PLXNB1: variants seen among roughly 807,000 people sequenced by gnomAD.
PLXNB1 encodes the protein plexin-B1.
Under a neutral mutation model 209.4 loss-of-function variants are expected in PLXNB1, and 106 were observed. That is an observed-to-expected ratio of 0.51 (90% CI 0.43 to 0.59). PLXNB1 has a LOEUF of 0.59. Among genes scored for constraint, PLXNB1 ranks in the 20% least tolerant of loss-of-function variants. PLXNB1 has a pLI of 0.00. For missense variants in PLXNB1, 2,357 were observed against 2,853.2 expected (o/e 0.83, Z 3.96); for synonymous variants, 1,167 against 1,183.2 (o/e 0.99, Z 0.28).
chr3:48,406,043 CT>C lies in PLXNB1; in HGVS notation c.6229-246del. On this transcript the variant is annotated intron_variant, in intron 36 of 37. Transcript: ENST00000296440. This position sits in a 1 kb window ranked among gnomAD's most constrained non-coding sequence, Gnocchi z 4.4. ...TGGTAGGAAGACAGCCCAGGTCTACCTGCTTCAGCAAGGTCTGGGGTTTCCA... is the reference window on the plus strand; with the variant it reads ...TGGTAGGAAGACAGCCCAGGTCTACCGCTTCAGCAAGGTCTGGGGTTTCCA... 2.2e-6 allele frequency: 1 copy of C among 446,614 alleles called. No homozygotes were observed. The allele number at this position is 446,614 out of a possible 1,614,324, so 27.7% of individuals were successfully genotyped here.
chr3:48,427,387 G>A (rs2038949827), intron 1 of PLXNB1, among the ~76,000 whole-genome samples: 1 of 152,144 alleles, frequency 6.6e-6, no homozygotes, highest in Non-Finnish European at 1.5e-5. Flanking sequence ...GTCGGAAGGA[G>A]GACAGAAAGA....
In PLXNB1 at chr3:48,421,090, C is replaced by T; in HGVS notation, c.1811-134G>A. The T allele has an allele frequency of 2.3e-6, 3 of 1,278,092 alleles. No individual in the cohort carries two copies. The South Asian group carries it at 4.0e-5, about 17-fold the overall frequency. 79.2% of individuals were successfully genotyped at this position (1,278,092 alleles called of 1,614,324 possible). ...ACAGTCCAAGGGCACAGAATGGAGG[C>T]TTCAGGTGGTTGGGGAGTGGGAGGA... On this transcript the variant is annotated intron_variant, in intron 8 of 37. Transcript: ENST00000296440.
intron 37 of PLXNB1, among the ~76,000 whole-genome samples, chr3:48,404,950 C>A (rs994042540): frequency 5.3e-5 from 8 of 152,186 alleles, no homozygotes; most frequent in Non-Finnish European, 8.8e-5. Context: ...AATGACCAGA[C>A]ACGTGGTGGG....
At position 48,424,273 on chromosome 3, in the gene PLXNB1, G is replaced by A. The variant is rs369325625; in HGVS notation, c.339C>T (p.Ser113=). Residue 113 remains serine, a synonymous_variant, in exon 3 of 38, where the codon AGC becomes AGT. Transcript: ENST00000296440. ...VSPGALVVCG[S]VHQGVCEQRR... ...GCTGTTCACAGACCCCCTGGTGCAC[G>A]CTCCCGCATACCACCAGGGCCCCTG... The A allele has an allele frequency of 5.8e-5, 93 of 1,591,274 alleles. 2 individuals are homozygous for A. The East Asian group carries it at 1.8e-3, about 30-fold the overall frequency.
At position 48,418,077 on chromosome 3, in the gene PLXNB1, G is replaced by A; in HGVS notation, c.3223-15C>T. 6.2e-7 allele frequency: 1 copy of A among 1,611,242 alleles called. No homozygotes were observed. The highest frequency in any genetic ancestry group is 8.5e-7 in the Non-Finnish European group (1 of 1,178,580). On this transcript the variant is annotated splice_polypyrimidine_tract_variant and intron_variant, in intron 15 of 37. Coordinates refer to ENST00000296440, the MANE Select transcript of PLXNB1 (RefSeq NM_001130082.3). The surrounding 1 kb of genome is among the most constrained non-coding windows in gnomAD (Gnocchi z 6.6). ...AGTGGCTCCACCTGTTCCAGGACAA[G>A]GACTGCTCACCTCTACTCAACTGGA...
At position 48,418,130 on chromosome 3, in the gene PLXNB1, G is replaced by A; in HGVS notation, c.3222+61C>T. 6.2e-7 allele frequency: 1 copy of A among 1,607,198 alleles called. No homozygotes were observed. Among genetic ancestry groups the A allele is most frequent in the East Asian group, 2.2e-5 (1 of 44,754 alleles). ...GGCAGCCCCAACCTCCCACCTTTGG[G>A]CCCCCACACCCTCCCTCTAAGGGCA... is the stretch of plus-strand genomic sequence containing the variant. On this transcript the variant is annotated intron_variant, in intron 15 of 37. Coordinates refer to ENST00000296440, the MANE Select transcript of PLXNB1 (RefSeq NM_001130082.3). This position sits in a 1 kb window ranked among gnomAD's most constrained non-coding sequence, Gnocchi z 6.6.
chr3:48,423,801 C>G lies in PLXNB1; in HGVS notation c.811G>C (p.Gly271Arg). Residue 271 changes from glycine to arginine, a missense_variant, in exon 3 of 38, where the codon GGC becomes CGC. Around this residue, in one of 7 missense-constraint regions of PLXNB1, gnomAD observed 404 missense variants for 443.6 expected, o/e 0.91. Coordinates refer to ENST00000296440, the MANE Select transcript of PLXNB1 (RefSeq NM_001130082.3). ...YVELPLACEG[G>R]RYGLIQAAAV... Reference sequence around the variant, plus strand: ...GCAGCCTGGATCAGCCCGTAGCGGCCACCTTCGCAGGCCAGAGGCAACTCC... The same window carrying G: ...GCAGCCTGGATCAGCCCGTAGCGGCGACCTTCGCAGGCCAGAGGCAACTCC... 1 of 1,613,978 alleles carries G rather than the reference C, an allele frequency of 6.2e-7. No homozygotes were observed. The highest frequency in any genetic ancestry group is 8.5e-7 in the Non-Finnish European group (1 of 1,179,998).
chr3:48,414,693 C>T, intron 21 of PLXNB1, 106 bp downstream of exon 21: 1 of 1,380,496 alleles, frequency 7.2e-7, no homozygotes, highest in Non-Finnish European at 9.9e-7. Context: ...CCATGTCCAT[C>T]CACCGGCCCT....
Position 48,418,554 on chromosome 3 carries a change from G to C in PLXNB1, c.2956-12C>G, listed in dbSNP as rs899863434. On this transcript the variant is annotated splice_polypyrimidine_tract_variant and intron_variant, in intron 13 of 37. Coordinates refer to ENST00000296440, the MANE Select transcript of PLXNB1 (RefSeq NM_001130082.3). This position sits in a 1 kb window ranked among gnomAD's most constrained non-coding sequence, Gnocchi z 6.6. Reference sequence around the variant, plus strand: ...GCCTCATAGCTGAGCTGGAGAAATGGGAGTGGGTTCAGAGTCAAGCACTGG... The same window carrying C: ...GCCTCATAGCTGAGCTGGAGAAATGCGAGTGGGTTCAGAGTCAAGCACTGG... 1 of 1,580,666 alleles carries C rather than the reference G, an allele frequency of 6.3e-7. No individual in the cohort carries two copies. Among genetic ancestry groups the C allele is most frequent in the Admixed American group, 1.8e-5 (1 of 54,670 alleles).
Position 48,410,421 on chromosome 3 carries a change from C to T in PLXNB1, c.5520+34G>A. Reference sequence around the variant, plus strand: ...GGTGATCCCTCCACCAGTCCCACCCCACCATGCCCTCCTCCAGCTCCCACT... The same window carrying T: ...GGTGATCCCTCCACCAGTCCCACCCTACCATGCCCTCCTCCAGCTCCCACT... On this transcript the variant is annotated intron_variant, in intron 30 of 37. Transcript: ENST00000296440. This position sits in a 1 kb window ranked among gnomAD's most constrained non-coding sequence, Gnocchi z 6.4. The T allele has an allele frequency of 6.2e-7, 1 of 1,611,808 alleles. No homozygotes were observed. The highest frequency in any genetic ancestry group is 8.5e-7 in the Non-Finnish European group (1 of 1,177,932).
At chr3:48,407,756 G>A (rs538106661) in intron 34 of PLXNB1, among the ~76,000 whole-genome samples, 1 of 152,312 alleles carries the variant, frequency 6.6e-6, no homozygotes, top group East Asian at 1.9e-4. Context: ...AACTCCCCAT[G>A]GGGGAACCCT....
chr3:48,404,741 G>A, intron 37 of PLXNB1, 151 bp from the exon 38 acceptor site: 3 of 584,700 alleles, frequency 5.1e-6, no homozygotes, highest in Non-Finnish European at 9.1e-6. Context: ...GGGACCTCAG[G>A]GCCTCGCTGG....
chr3:48,421,819 A>ACC lies in PLXNB1; in HGVS notation c.1521-15_1521-14dup. ...ACGGCGACTGCACCTGGGCGAGATG[A>ACC]CCAGTGTCTATCTGTGACCCTCATG... On this transcript the variant is annotated splice_polypyrimidine_tract_variant and intron_variant, in intron 6 of 37. Coordinates refer to ENST00000296440, the MANE Select transcript of PLXNB1 (RefSeq NM_001130082.3). 2 of 1,593,538 alleles carry ACC rather than the reference A, an allele frequency of 1.3e-6. No homozygotes were observed. Among genetic ancestry groups the ACC allele is most frequent in the South Asian group, 2.2e-5 (2 of 90,430 alleles).
At position 48,429,704 on chromosome 3, in the gene PLXNB1, TGAG is replaced by T. The variant is rs2039094457; in HGVS notation, c.-60+301_-60+303del. On this transcript the variant is annotated intron_variant, in intron 1 of 37. Transcript: ENST00000296440. This position sits in a 1 kb window ranked among gnomAD's most constrained non-coding sequence, Gnocchi z 6.4. ...TGGCAACGCGGGTCGCCCGGAGGGG[TGAG>T]GAGTGAACCCCGGGAGCCAGAGCCG... 6.6e-6 allele frequency among the ~76,000 whole-genome samples: 1 copy of T among 150,900 alleles called. No homozygotes were observed. Among genetic ancestry groups the T allele is most frequent in the Non-Finnish European group, 1.5e-5 (1 of 67,622 alleles).
intron 1 of PLXNB1, among the ~76,000 whole-genome samples, chr3:48,427,194 C>A (rs1189508049): frequency 5.0e-4 from 74 of 146,596 alleles, no homozygotes; most frequent in Middle Eastern, 6.9e-3. Flanking sequence ...AAAACAAAAA[C>A]AAAAAAAAAA....
Position 48,419,083 on chromosome 3 carries a change from G to A in PLXNB1, c.2833-44C>T, listed in dbSNP as rs2038309812. ...GCTGTTGGGCAGCTTCAGGAGCTGG[G>A]CCCAGGGAGTCCTGCAGGTCACCCA... On this transcript the variant is annotated intron_variant, in intron 12 of 37. Coordinates refer to ENST00000296440, the MANE Select transcript of PLXNB1 (RefSeq NM_001130082.3). This position sits in a 1 kb window ranked among gnomAD's most constrained non-coding sequence, Gnocchi z 5.7. 2 of 1,606,608 alleles carry A rather than the reference G, an allele frequency of 1.2e-6. No homozygotes were observed. The highest frequency in any genetic ancestry group is 1.7e-6 in the Non-Finnish European group (2 of 1,174,240).
Position 48,404,581 on chromosome 3 carries a change from C to T in PLXNB1, c.6313G>A (p.Ala2105Thr). 2 of 1,610,960 alleles carry T rather than the reference C, an allele frequency of 1.2e-6. No homozygotes were observed. Among genetic ancestry groups the T allele is most frequent in the Non-Finnish European group, 1.7e-6 (2 of 1,177,838 alleles). The change falls in exon 38 of 38, where the codon GCC becomes ACC. Residue 2105 changes from alanine (A) to threonine (T), a missense_variant. Physicochemically the swap from Ala to Thr is moderately conservative, Grantham distance 58. Coordinates refer to ENST00000296440, the MANE Select transcript of PLXNB1 (RefSeq NM_001130082.3). ...INKYYDQIIT[A>T]LEEDGTAQKM... The stretch of plus-strand genomic sequence containing the variant: ...TGGGCCGTGCCATCCTCCTCCAGGG[C>T]AGTGATGATCTGAAACAGAGACCAA...
In PLXNB1 at chr3:48,416,441, T is replaced by C. The variant is rs2038108410; in HGVS notation, c.3385A>G (p.Ile1129Val). 2 of 1,612,198 alleles carry C rather than the reference T, an allele frequency of 1.2e-6. No homozygotes were observed. Among genetic ancestry groups the C allele is most frequent in the African/African-American group, 1.3e-5 (1 of 75,008 alleles). Residue 1129 changes from isoleucine to valine, a missense_variant, in exon 17 of 38, where the codon ATC (isoleucine) becomes GTC (valine). This residue lies in a region of PLXNB1 where 743 missense variants were observed against 896.2 expected (regional missense o/e 0.83). Transcript: ENST00000296440. This position sits in a 1 kb window ranked among gnomAD's most constrained non-coding sequence, Gnocchi z 4.1. ...EYEVSSSLVCITGASGEEVAG... is the reference protein window; with the variant it reads ...EYEVSSSLVCVTGASGEEVAG... Reference sequence around the variant, plus strand: ...ACCTCCTCCCCACTGGCCCCGGTGATGCACACGAGGCTGTAGGCACAGGGC... The same window carrying C: ...ACCTCCTCCCCACTGGCCCCGGTGACGCACACGAGGCTGTAGGCACAGGGC...
chr3:48,411,006 C>T lies in PLXNB1; in HGVS notation c.5278G>A (p.Gly1760Arg). The T allele has an allele frequency of 6.2e-7, 1 of 1,613,696 alleles. No individual in the cohort carries two copies. The highest frequency in any genetic ancestry group is 8.5e-7 in the Non-Finnish European group (1 of 1,179,938). The change falls in exon 29 of 38, where the codon GGG becomes AGG. Residue 1760 changes from glycine to arginine, a missense_variant. Physicochemically the swap from Gly to Arg is moderately radical, Grantham distance 125. Transcript: ENST00000296440. This position sits in a 1 kb window ranked among gnomAD's most constrained non-coding sequence, Gnocchi z 4.0. ...GGCACGCCCTGGGCCTCTCCTGCCC[C>T]AGGCCCCACAGCCAATAGTGCATTC... ...TLNALLAVGP[G>R]AGEAQGVPVK...
Sources: gnomAD v4.1 joint callset for allele counts (sites outside exome capture counted in the v4.1 genomes callset) on GRCh38, gnomAD v4.1.1 for gene constraint, gnomAD v4.1.1 regional missense constraint, Gnocchi (gnomAD v3.1) non-coding constraint, MANE v1.5 for transcripts, NCBI Gene and HGNC (gene_info 2026-07-23, HGNC 2026-07-21) for gene names.